The following GLI3 variants were observed in gnomAD, a reference collection of about 807,000 sequenced individuals.
The protein encoded by GLI3 is GLI family zinc finger 3.
GLI3 carries 20 observed loss-of-function variants against 100.8 expected under a neutral mutation model. The observed-to-expected ratio is 0.20, with a 90% CI of 0.14 to 0.29. The LOEUF (loss-of-function observed/expected upper bound fraction) is 0.29, where lower values mean the gene tolerates loss of function less well. GLI3 is among the 10% of genes least tolerant of loss of function. GLI3 has a pLI of 1.00. For synonymous variants in GLI3, 938 were observed against 860.5 expected (o/e 1.09, Z -1.58); for missense variants, 2,040 against 2,128.5 (o/e 0.96, Z 0.82).
At chr7:42,248,886 C>T (rs1045626827) in intron 1 of GLI3, among the ~76,000 whole-genome samples, 4 of 151,910 alleles carry the variant, frequency 2.6e-5, no homozygotes, top group East Asian at 1.9e-4. Flanking sequence ...CCTCCCTAGG[C>T]TCAGGTGGTC....
chr7:42,178,399 G>A (rs1052729487), intron 2 of GLI3, among the ~76,000 whole-genome samples: 7 of 152,258 alleles, frequency 4.6e-5, no homozygotes, highest in Admixed American at 4.6e-4. Flanking sequence ...CAGATACCAT[G>A]GTACTGACCA....
At position 41,966,106 on chromosome 7, in the gene GLI3, C is replaced by A; in HGVS notation, c.2967G>T (p.Arg989=). The change falls in exon 15 of 15, where the codon CGG becomes CGT. Residue 989 remains arginine, a synonymous_variant. Transcript: ENST00000395925. The surrounding 1 kb of genome is among the most constrained non-coding windows in gnomAD (Gnocchi z 5.8). ...CSDGGAHGYG[R]RHLQPHDAPG... ...GCGCATCGTGCGGCTGCAGGTGGCG[C>A]CGCCCGTAGCCGTGGGCTCCCCCGT... is the stretch of plus-strand genomic sequence containing the variant. 1 of 1,572,176 alleles carries A rather than the reference C, an allele frequency of 6.4e-7. No individual in the cohort carries two copies. The highest frequency in any genetic ancestry group is 8.6e-7 in the Non-Finnish European group (1 of 1,164,878).
chr7:42,235,035 A>G (rs1360357943), intron 1 of GLI3, among the ~76,000 whole-genome samples: 1 of 152,214 alleles, frequency 6.6e-6, no homozygotes, highest in Admixed American at 6.5e-5. Context: ...TGTTAAAACC[A>G]GTCCCGGCAG....
intron 3 of GLI3, among the ~76,000 whole-genome samples, chr7:42,122,540 A>G (rs1241146668): frequency 1.3e-5 from 2 of 152,136 alleles, no homozygotes; most frequent in Non-Finnish European, 2.9e-5. Context: ...TCATACAATC[A>G]TCTGAAGCAG....
At chr7:41,977,436 C>CCA (rs1787541475) in intron 12 of GLI3, 122 bp downstream of exon 12, 2 of 971,146 alleles carry the variant, frequency 2.1e-6, no homozygotes, top group Admixed American at 4.0e-5. Context: ...GGGGCAGAGC[C>CCA]CCTCATGCTG....
Position 42,170,592 on chromosome 7 carries a change from C to T in GLI3, c.125-22124G>A, listed in dbSNP as rs562466541. 2.7e-4 allele frequency among the ~76,000 whole-genome samples: 41 copies of T among 151,768 alleles called. No homozygotes were observed. The South Asian group carries it at 5.7e-3, about 21-fold the overall frequency. On this transcript the variant is annotated intron_variant, in intron 2 of 14. Transcript: ENST00000395925. The stretch of plus-strand genomic sequence containing the variant: ...CAATTTTTTGTATTTGTAATAGGGA[C>T]GAGGTTTCACCATGTTAGCCAGGAT...
intron 3 of GLI3, among the ~76,000 whole-genome samples, chr7:42,109,784 A>AG (rs1785662182): frequency 6.6e-6 from 1 of 152,222 alleles, no homozygotes; most frequent in South Asian, 2.1e-4. Flanking sequence ...TTCCTGGCAG[A>AG]GGGAAACATC....
intron 1 of GLI3, among the ~76,000 whole-genome samples, chr7:42,227,260 G>T (rs1310349076): frequency 6.6e-6 from 1 of 150,774 alleles, no homozygotes; most frequent in Non-Finnish European, 1.5e-5. Flanking sequence ...CATGCCCCTT[G>T]ACTTTTCATG....
chr7:42,014,008 C>T (rs895821403), intron 10 of GLI3, among the ~76,000 whole-genome samples: 3 of 152,128 alleles, frequency 2.0e-5, no homozygotes, highest in African/African-American at 7.2e-5. Flanking sequence ...AAACTGTACT[C>T]GTAAAACATC....
At chr7:42,053,213 T>C in intron 4 of GLI3, among the ~76,000 whole-genome samples, 1 of 152,194 alleles carries the variant, frequency 6.6e-6, no homozygotes, top group Non-Finnish European at 1.5e-5. Context: ...ATTAGGCCAG[T>C]CTTGAACTCC....
At chr7:41,990,540 G>A (rs988410833) in intron 10 of GLI3, among the ~76,000 whole-genome samples, 2 of 152,066 alleles carry the variant, frequency 1.3e-5, no homozygotes, top group African/African-American at 4.8e-5. Flanking sequence ...CTCTTGAACT[G>A]GCCTTCAAGT....
intron 2 of GLI3, among the ~76,000 whole-genome samples, chr7:42,195,475 C>T (rs1358361839): frequency 6.6e-6 from 1 of 152,138 alleles, no homozygotes; most frequent in African/African-American, 2.4e-5. Flanking sequence ...TTTGTACCTG[C>T]CTCCTCACAT....
chr7:41,993,312 C>A (rs933383298), intron 10 of GLI3, among the ~76,000 whole-genome samples: 1 of 152,196 alleles, frequency 6.6e-6, no homozygotes, highest in Non-Finnish European at 1.5e-5. Flanking sequence ...GTGGTCACGT[C>A]TAGGATGGGG....
rs1205070601 is a variant in GLI3, at chr7:42,097,967, CCAGGAGG to C, written c.368-21117_368-21111del. ...GCCTTATTCAAATCCCATGACAATC[CCAGGAGG>C]CATATGATATTATCTCCTCTTTGCG... On this transcript the variant is annotated intron_variant, in intron 3 of 14. Coordinates refer to ENST00000395925, the MANE Select transcript of GLI3 (RefSeq NM_000168.6). 2.0e-5 allele frequency among the ~76,000 whole-genome samples: 3 copies of C among 152,200 alleles called. No individual in the cohort carries two copies. In the East Asian group the frequency reaches 5.8e-4, roughly 29 times the overall value.
intron 1 of GLI3, among the ~76,000 whole-genome samples, chr7:42,226,118 T>C (rs1457783644): frequency 6.6e-6 from 1 of 152,236 alleles, no homozygotes; most frequent in African/African-American, 2.4e-5. Flanking sequence ...AAACACTCCA[T>C]TCTTAGCCAT....
At chr7:42,235,518 G>A (rs545886091) in intron 1 of GLI3, among the ~76,000 whole-genome samples, 1 of 152,166 alleles carries the variant, frequency 6.6e-6, no homozygotes, top group African/African-American at 2.4e-5. Context: ...ATATTTCAGG[G>A]ATCTAAAAAA....
At chr7:42,056,121 G>A (rs942985748) in intron 4 of GLI3, among the ~76,000 whole-genome samples, 1 of 152,196 alleles carries the variant, frequency 6.6e-6, no homozygotes, top group East Asian at 1.9e-4. Context: ...ACGTGGAACT[G>A]TAAGTCCATT....
intron 10 of GLI3, among the ~76,000 whole-genome samples, chr7:41,998,737 T>C (rs1304440187): frequency 2.0e-5 from 3 of 152,246 alleles, no homozygotes; most frequent in Non-Finnish European, 4.4e-5. Flanking sequence ...TATTTTCACC[T>C]CTACATTACT....
intron 3 of GLI3, among the ~76,000 whole-genome samples, chr7:42,126,707 T>C (rs552889644): frequency 1.3e-5 from 2 of 152,366 alleles, no homozygotes; most frequent in Admixed American, 1.3e-4. Flanking sequence ...TCTTATATCA[T>C]GGTCTTGTGT....
Sources: allele counts gnomAD v4.1 joint callset (sites outside exome capture counted in the v4.1 genomes callset), GRCh38; gene constraint gnomAD v4.1.1; non-coding constraint Gnocchi (gnomAD v3.1); transcripts MANE v1.5; gene names NCBI Gene and HGNC (gene_info 2026-07-23, HGNC 2026-07-21).